The following AHDC1 variants were observed in gnomAD, a reference collection of about 807,000 sequenced individuals.
AHDC1 encodes the protein transcription factor Gibbin.
In AHDC1, 7 loss-of-function variants were observed where a neutral mutation model predicts 87.9. The observed-to-expected ratio is 0.08, with a 90% CI of 0.05 to 0.15. The LOEUF (loss-of-function observed/expected upper bound fraction) is 0.15, where lower values mean the gene tolerates loss of function less well. AHDC1 is among the 10% of genes least tolerant of loss of function. The pLI is 1.00. For missense variants in AHDC1, 1,841 were observed against 2,253.2 expected (o/e 0.82, Z 3.70); for synonymous variants, 1,051 against 1,006.8 (o/e 1.04, Z -0.83).
At chr1:27,554,402 T>A (rs1270133468) in intron 5 of AHDC1, among the ~76,000 whole-genome samples, 1 of 152,088 alleles carries the variant, frequency 6.6e-6, no homozygotes. Context: ...CCCACAAGAG[T>A]GTGGGCTCTT....
chr1:27,535,336 T>C (rs747759549), intron 8 of AHDC1, among the ~76,000 whole-genome samples: 7 of 152,146 alleles, frequency 4.6e-5, no homozygotes, highest in Non-Finnish European at 8.8e-5. Flanking sequence ...AACTACCCCA[T>C]TGGTTTGCTG....
chr1:27,577,093 C>A (rs906484345), intron 3 of AHDC1, among the ~76,000 whole-genome samples: 8 of 152,188 alleles, frequency 5.3e-5, no homozygotes, highest in Non-Finnish European at 8.8e-5. Flanking sequence ...GCTACTCTGT[C>A]CCTGTCCCTC....
In AHDC1 at chr1:27,541,308, ATTTTTAT is replaced by A. The variant is rs376453877; in HGVS notation, c.*43+5946_*43+5952del. On this transcript the variant is annotated intron_variant, in intron 8 of 8. Transcript: ENST00000673934. Reference sequence around the variant, plus strand: ...CTAGAGAGTGATGCTCATGTGGAGGATTTTTATTTTTTATTTTTTATTTTTTTTGAGA... The same window carrying A: ...CTAGAGAGTGATGCTCATGTGGAGGATTTTTATTTTTTATTTTTTTTGAGA... Among the ~76,000 whole-genome samples the A allele has an allele frequency of 4.5e-3, 680 of 151,910 alleles. 4 individuals carry two copies. The highest frequency in any genetic ancestry group is 0.015 in the African/African-American group (637 of 41,380).
intron 3 of AHDC1, among the ~76,000 whole-genome samples, chr1:27,578,528 G>A (rs2088820978): frequency 6.6e-6 from 1 of 151,742 alleles, no homozygotes; most frequent in Non-Finnish European, 1.5e-5. Flanking sequence ...GGTGGAGGTT[G>A]CAGTGAGCTG....
In AHDC1 at chr1:27,552,151, C is replaced by T; in HGVS notation, c.-36G>A. 2 of 1,432,024 alleles carry T rather than the reference C, an allele frequency of 1.4e-6. No individual in the cohort carries two copies. The highest frequency in any genetic ancestry group is 9.1e-7 in the Non-Finnish European group (1 of 1,094,412). The allele number at this position is 1,432,024 out of a possible 1,614,324, so 88.7% of individuals were successfully genotyped here. ...TCCTCCGCAGGCCGCCGGGCGGGGC[C>T]GGGGCTGACATGAGGGTGCGAGAAG... On this transcript the variant is annotated 5_prime_UTR_variant, in exon 8 of 9. Transcript: ENST00000673934.
chr1:27,539,122 A>C (rs898786137), intron 8 of AHDC1, among the ~76,000 whole-genome samples: 2 of 150,450 alleles, frequency 1.3e-5, no homozygotes, highest in African/African-American at 2.5e-5. Context: ...TACTCCAGAG[A>C]AGCTTTTTTT....
intron 3 of AHDC1, among the ~76,000 whole-genome samples, chr1:27,591,198 CT>C (rs2089210878): frequency 6.6e-6 from 1 of 152,184 alleles, no homozygotes; most frequent in Non-Finnish European, 1.5e-5. Context: ...CCTAAGGAGT[CT>C]GCCAACAGAC....
At chr1:27,539,026 G>C (rs1274310988) in intron 8 of AHDC1, among the ~76,000 whole-genome samples, 1 of 152,166 alleles carries the variant, frequency 6.6e-6, no homozygotes, top group Non-Finnish European at 1.5e-5. Context: ...CAACTGGTAT[G>C]CAGAAGTACC....
chr1:27,578,492 G>A (rs1363824226), intron 3 of AHDC1, among the ~76,000 whole-genome samples: 1 of 151,802 alleles, frequency 6.6e-6, no homozygotes, highest in African/African-American at 2.4e-5. Flanking sequence ...GGGGGGCTGA[G>A]GCAGGAGAAT....
chr1:27,594,293 G>A (rs1364373584), intron 3 of AHDC1, among the ~76,000 whole-genome samples: 2 of 152,072 alleles, frequency 1.3e-5, no homozygotes, highest in Non-Finnish European at 2.9e-5. Context: ...TCTCCCTGAA[G>A]CCCCAGGCCC....
At position 27,547,240 on chromosome 1, in the gene AHDC1, C is replaced by G. The variant is rs939358808; in HGVS notation, c.*43+21G>C. 6.8e-7 allele frequency: 1 copy of G among 1,466,856 alleles called. No individual in the cohort carries two copies. Among genetic ancestry groups the G allele is most frequent in the Non-Finnish European group, 9.1e-7 (1 of 1,096,170 alleles). The allele number at this position is 1,466,856 out of a possible 1,614,324, so 90.9% of individuals were successfully genotyped here. ...CCCACCCCCAGGCCTCTGCCCACTG[C>G]GCCCACATCCCCAGACTCACCCAGG... On this transcript the variant is annotated intron_variant, in intron 8 of 8. Transcript: ENST00000673934. The surrounding 1 kb of genome is among the most constrained non-coding windows in gnomAD (Gnocchi z 4.9).
chr1:27,544,844 G>C (rs146678507), intron 8 of AHDC1, among the ~76,000 whole-genome samples: 1 of 152,170 alleles, frequency 6.6e-6, no homozygotes, highest in Admixed American at 6.5e-5. Flanking sequence ...CCTGCTCCAC[G>C]GTGGCCTGGG....
chr1:27,550,175 G>A lies in AHDC1; in HGVS notation c.1941C>T (p.His647=). Residue 647 remains histidine, a synonymous_variant, in exon 8 of 9, where the codon CAC becomes CAT. Transcript: ENST00000673934. ...AGATGCTCTGGGTGTCGGGGGCCTGGTGCACCGACTCCGGCTCACTGGGTG... is the reference window on the plus strand; with the variant it reads ...AGATGCTCTGGGTGTCGGGGGCCTGATGCACCGACTCCGGCTCACTGGGTG... ...CWTPSEPESV[H]QAPDTQSISH... 6.2e-7 allele frequency: 1 copy of A among 1,611,908 alleles called. No homozygotes were observed. Among genetic ancestry groups the A allele is most frequent in the South Asian group, 1.1e-5 (1 of 91,070 alleles).
In AHDC1 at chr1:27,547,867, T is replaced by C; in HGVS notation, c.4249A>G (p.Thr1417Ala). 6.5e-7 allele frequency: 1 copy of C among 1,549,376 alleles called. No homozygotes were observed. Among genetic ancestry groups the C allele is most frequent in the East Asian group, 2.3e-5 (1 of 44,196 alleles). The change falls in exon 8 of 9, where the codon ACA (threonine) becomes GCA (alanine). Residue 1417 changes from threonine to alanine, a missense_variant. Around this residue, in one of 13 missense-constraint regions of AHDC1, gnomAD observed 505 missense variants for 626.2 expected, o/e 0.81. Coordinates refer to ENST00000673934, the MANE Select transcript of AHDC1 (RefSeq NM_001371928.1). This position sits in a 1 kb window ranked among gnomAD's most constrained non-coding sequence, Gnocchi z 4.9. The part of the protein sequence containing the change: ...GFKEELRPPP[T>A]KLAACEPLKH... ...AGGGGCTCGCAGGCAGCCAGCTTTGTGGGCGGTGGCCGCAGCTCTTCCTTG... is the reference window on the plus strand; with the variant it reads ...AGGGGCTCGCAGGCAGCCAGCTTTGCGGGCGGTGGCCGCAGCTCTTCCTTG...
rs2019906251 is a variant in AHDC1, at chr1:27,558,053, T to C, written c.-225+252A>G. Among the ~76,000 whole-genome samples, 2 of 152,308 alleles carry C rather than the reference T, an allele frequency of 1.3e-5. No homozygotes were observed. The highest frequency in any genetic ancestry group is 2.9e-5 in the Non-Finnish European group (2 of 68,014). Reference sequence around the variant, plus strand: ...ACCTCAGGCCCCAGGAATGCTCCTTTGGAAGTAGGGTGGGGTCCCCAGGCA... The same window carrying C: ...ACCTCAGGCCCCAGGAATGCTCCTTCGGAAGTAGGGTGGGGTCCCCAGGCA... On this transcript the variant is annotated intron_variant, in intron 5 of 8. Transcript: ENST00000673934. This position sits in a 1 kb window ranked among gnomAD's most constrained non-coding sequence, Gnocchi z 5.6.
intron 7 of AHDC1, chr1:27,552,459 C>G (rs939151501): frequency 8.2e-6 from 2 of 242,702 alleles, no homozygotes; most frequent in East Asian, 1.5e-4. Context: ...AGTGAAGCAG[C>G]GTGATCTCAG....
chr1:27,549,396 G>A lies in AHDC1; in HGVS notation c.2720C>T (p.Ala907Val), dbSNP rs762764228. 29 of 1,612,632 alleles carry A rather than the reference G, an allele frequency of 1.8e-5. No homozygotes were observed. The highest frequency in any genetic ancestry group is 2.2e-5 in the Non-Finnish European group (26 of 1,179,798). Reference sequence around the variant, plus strand: ...CAGGACAGGCTGAAAGGAGGGGTCCGCCCCAGCCCCGCTGCTACCCACTGC... The same window carrying A: ...CAGGACAGGCTGAAAGGAGGGGTCCACCCCAGCCCCGCTGCTACCCACTGC... The part of the protein sequence containing the change: ...PVAVGSSGAG[A>V]DPSFQPVLSA... Residue 907 changes from alanine to valine, a missense_variant, in exon 8 of 9, where the codon GCG (alanine) becomes GTG (valine). By Grantham distance (64) the Ala-to-Val change is moderately conservative. Coordinates refer to ENST00000673934, the MANE Select transcript of AHDC1 (RefSeq NM_001371928.1).
At chr1:27,537,730 T>C (rs1358880908) in intron 8 of AHDC1, among the ~76,000 whole-genome samples, 1 of 152,204 alleles carries the variant, frequency 6.6e-6, no homozygotes, top group Non-Finnish European at 1.5e-5. Flanking sequence ...CTTCACCTTT[T>C]AGTGCCTCCG....
intron 3 of AHDC1, among the ~76,000 whole-genome samples, chr1:27,578,075 G>A (rs972343322): frequency 6.6e-6 from 1 of 152,160 alleles, no homozygotes; most frequent in Non-Finnish European, 1.5e-5. Context: ...CTGGACCCTG[G>A]TCCCAAAGAA....
Sources: allele counts gnomAD v4.1 joint callset (sites outside exome capture counted in the v4.1 genomes callset), GRCh38; gene constraint gnomAD v4.1.1; regional missense constraint gnomAD v4.1.1; non-coding constraint Gnocchi (gnomAD v3.1); transcripts MANE v1.5; gene names NCBI Gene and HGNC (gene_info 2026-07-23, HGNC 2026-07-21).